The following PTCH1 variants were observed in gnomAD, a reference collection of about 807,000 sequenced individuals.
The protein encoded by PTCH1 is protein patched homolog 1.
Under a neutral mutation model 144.6 loss-of-function variants are expected in PTCH1, and 14 were observed. The observed-to-expected ratio is 0.10, with a 90% CI of 0.06 to 0.15. The LOEUF (loss-of-function observed/expected upper bound fraction) is 0.15, where lower values mean the gene tolerates loss of function less well. Among genes scored for constraint, PTCH1 ranks in the 10% least tolerant of loss-of-function variants. PTCH1 has a pLI of 1.00. For synonymous variants in PTCH1, 833 were observed against 793.6 expected (o/e 1.05, Z -0.83); for missense variants, 1,623 against 1,948.3 (o/e 0.83, Z 3.14).
At chr9:95,478,236 C>T in intron 8 of PTCH1, 50 bp from the exon 9 acceptor site, 1 of 1,612,854 alleles carries the variant, frequency 6.2e-7, no homozygotes, top group Non-Finnish European at 8.5e-7. Context: ...AACACTTCCA[C>T]AAGCCTCGAC....
intron 2 of PTCH1, among the ~76,000 whole-genome samples, chr9:95,497,246 G>A (rs1842856873): frequency 1.3e-5 from 2 of 152,184 alleles, no homozygotes; most frequent in Non-Finnish European, 2.9e-5. Context: ...TATCTGGAAG[G>A]ATAGGTAATA....
rs1838286648 is a variant in PTCH1, at chr9:95,449,740, C to T, written c.3549+101G>A. On this transcript the variant is annotated intron_variant, in intron 21 of 23. Transcript: ENST00000331920. This position sits in a 1 kb window ranked among gnomAD's most constrained non-coding sequence, Gnocchi z 5.3. The stretch of plus-strand genomic sequence containing the variant: ...CTCTGAGATGTTTACTGAAGAACCA[C>T]CAGCAAGTGGGGAGGCACCTAAGTA... The T allele has an allele frequency of 6.4e-6, 7 of 1,099,140 alleles. No homozygotes were observed. The highest frequency in any genetic ancestry group is 3.9e-5 in the South Asian group (3 of 76,292). The allele number at this position is 1,099,140 out of a possible 1,614,324, so 68.1% of individuals were successfully genotyped here.
At chr9:95,470,897 C>T (rs373869611) in intron 12 of PTCH1, among the ~76,000 whole-genome samples, 3 of 152,176 alleles carry the variant, frequency 2.0e-5, no homozygotes, top group South Asian at 2.1e-4. Flanking sequence ...CTGGCTAACA[C>T]GGTGAAACCC....
rs781101191 is a variant in PTCH1 at position 95,476,800 on chromosome 9, C to T, written c.1561G>A (p.Ala521Thr). ...GVDDVFLLAH[A>T]FSETGQNKRI... ...TTATTCTGTCCTGTTTCACTGAAGG[C>T]GTGGGCCAGAAGAAAAACATCATCC... Residue 521 changes from alanine to threonine, a missense_variant, in exon 11 of 24, where the codon GCC (alanine) becomes ACC (threonine). By Grantham distance (58) the Ala-to-Thr change is moderately conservative. Around this residue, in one of 7 missense-constraint regions of PTCH1, gnomAD observed 135 missense variants for 228.7 expected, o/e 0.59. Transcript: ENST00000331920. This position sits in a 1 kb window ranked among gnomAD's most constrained non-coding sequence, Gnocchi z 4.6. 3.1e-6 allele frequency: 5 copies of T among 1,614,076 alleles called. No individual in the cohort carries two copies. In the South Asian group the frequency reaches 3.3e-5, roughly 11 times the overall value.
At chr9:95,469,178 A>G (rs777301513) in intron 13 of PTCH1, 25 bp from the exon 14 acceptor site, 1 of 1,613,628 alleles carries the variant, frequency 6.2e-7, no homozygotes, top group South Asian at 1.1e-5. Flanking sequence ...AACATGTTGC[A>G]ATGTTATGCT....
intron 3 of PTCH1, 124 bp downstream of exon 3, chr9:95,485,561 G>T: frequency 8.6e-7 from 1 of 1,156,760 alleles, no homozygotes; most frequent in Non-Finnish European, 1.3e-6. Context: ...AAAGCTATTT[G>T]AACTAATACT....
chr9:95,488,287 C>T lies in PTCH1; in HGVS notation c.395-2413G>A, dbSNP rs370650128. Among the ~76,000 whole-genome samples, 9 of 152,290 alleles carry T rather than the reference C, an allele frequency of 5.9e-5. No individual in the cohort carries two copies. In the South Asian group the frequency reaches 1.9e-3, roughly 32 times the overall value. On this transcript the variant is annotated intron_variant, in intron 2 of 23. Transcript: ENST00000331920. ...TTCTCTGGAATTGGAAAACCTGTCG[C>T]TCCCCCATCTCTTTGCTCTAATGAT...
At chr9:95,499,729 C>G (rs1055145727) in intron 2 of PTCH1, among the ~76,000 whole-genome samples, 1 of 151,902 alleles carries the variant, frequency 6.6e-6, no homozygotes, top group Non-Finnish European at 1.5e-5. Flanking sequence ...TAAATCTGGT[C>G]CCCTTTACAG....
chr9:95,449,028 G>C lies in PTCH1; in HGVS notation c.3804+41C>G, dbSNP rs745714712. 2 of 1,611,776 alleles carry C rather than the reference G, an allele frequency of 1.2e-6. No homozygotes were observed. Among genetic ancestry groups the C allele is most frequent in the Non-Finnish European group, 1.7e-6 (2 of 1,178,196 alleles). Reference sequence around the variant, plus strand: ...GCTGGACCTCCAGGCCCACTACCACGGTGGGAAGACCCCTCCCCCTGGTTC... The same window carrying C: ...GCTGGACCTCCAGGCCCACTACCACCGTGGGAAGACCCCTCCCCCTGGTTC... On this transcript the variant is annotated intron_variant, in intron 22 of 23. Coordinates refer to ENST00000331920, the MANE Select transcript of PTCH1 (RefSeq NM_000264.5). This position sits in a 1 kb window ranked among gnomAD's most constrained non-coding sequence, Gnocchi z 5.3.
intron 20 of PTCH1, chr9:95,450,637 GC>G (rs1278911938): frequency 6.5e-6 from 1 of 154,252 alleles, no homozygotes; most frequent in Admixed American, 6.4e-5. Context: ...GGGAGCTGGG[GC>G]ATTGTGCTGG....
At chr9:95,498,068 G>C (rs980703314) in intron 2 of PTCH1, among the ~76,000 whole-genome samples, 1 of 152,114 alleles carries the variant, frequency 6.6e-6, no homozygotes, top group Admixed American at 6.6e-5. Flanking sequence ...AATGATTTAA[G>C]GGGGAAAAAA....
chr9:95,504,171 A>C (rs1438644158), intron 2 of PTCH1, among the ~76,000 whole-genome samples: 1 of 151,990 alleles, frequency 6.6e-6, no homozygotes, highest in African/African-American at 2.4e-5. Flanking sequence ...CTGAGTAAAT[A>C]ACATTTGGCC....
intron 15 of PTCH1, among the ~76,000 whole-genome samples, chr9:95,466,463 G>A (rs887199241): frequency 3.3e-5 from 5 of 152,110 alleles, no homozygotes; most frequent in Non-Finnish European, 7.3e-5. Context: ...GAACCCAACC[G>A]TAAACTATGG....
At position 95,508,878 on chromosome 9, in the gene PTCH1, G is replaced by C; in HGVS notation, c.-517C>G. The C allele has an allele frequency of 1.1e-6, 1 of 937,270 alleles. No homozygotes were observed. Among genetic ancestry groups the C allele is most frequent in the Non-Finnish European group, 1.3e-6 (1 of 786,792 alleles). The allele number at this position is 937,270 out of a possible 1,614,324, so 58.1% of individuals were successfully genotyped here. On this transcript the variant is annotated 5_prime_UTR_variant, in exon 1 of 24. Transcript: ENST00000331920. ...AGCGGCCGCGGAGGGCAAGCGCAGA[G>C]CCGCCGCCGCCGCGGGGTCCGAGGG...
intron 2 of PTCH1, among the ~76,000 whole-genome samples, chr9:95,493,079 C>T (rs1842538854): frequency 6.6e-6 from 1 of 152,186 alleles, no homozygotes; most frequent in Admixed American, 6.5e-5. Flanking sequence ...CCAAATCAAG[C>T]CAGGCTTAAC....
chr9:95,502,394 G>A (rs551302669), intron 2 of PTCH1, among the ~76,000 whole-genome samples: 2 of 152,326 alleles, frequency 1.3e-5, no homozygotes, highest in African/African-American at 4.8e-5. Context: ...CAATGGTGGT[G>A]CAGAGTAGGT....
intron 14 of PTCH1, among the ~76,000 whole-genome samples, chr9:95,467,744 C>T (rs1840147143): frequency 6.6e-6 from 1 of 152,044 alleles, no homozygotes; most frequent in African/African-American, 2.4e-5. Context: ...GCTGGGATTA[C>T]AGGTGTGCAC....
At chr9:95,472,840 A>T (rs1277562156) in intron 12 of PTCH1, among the ~76,000 whole-genome samples, 1 of 152,222 alleles carries the variant, frequency 6.6e-6, no homozygotes, top group Non-Finnish European at 1.5e-5. Context: ...CAAAATAGTA[A>T]AACAACCAGC....
chr9:95,451,405 C>A (rs1287949255), intron 20 of PTCH1: 1 of 152,164 alleles, frequency 6.6e-6, no homozygotes, highest in Non-Finnish European at 1.5e-5. Context: ...AAATGGGAAG[C>A]CCTTTTAAGT....
Sources: allele counts gnomAD v4.1 joint callset (sites outside exome capture counted in the v4.1 genomes callset), GRCh38; gene constraint gnomAD v4.1.1; regional missense constraint gnomAD v4.1.1; non-coding constraint Gnocchi (gnomAD v3.1); transcripts MANE v1.5; gene names NCBI Gene and HGNC (gene_info 2026-07-23, HGNC 2026-07-21).